MOBP: variants seen among roughly 807,000 people sequenced by gnomAD.
MOBP encodes the protein myelin-associated oligodendrocyte basic protein.
MOBP carries 5 observed loss-of-function variants against 15.0 expected under a neutral mutation model. That is an observed-to-expected ratio of 0.33 (90% CI 0.17 to 0.70). The LOEUF (loss-of-function observed/expected upper bound fraction) is 0.70. Ranked by LOEUF, MOBP falls within the 30% of genes least tolerant of loss-of-function variation. MOBP has a pLI of 0.67. For synonymous variants in MOBP, 88 were observed against 99.0 expected, an observed-to-expected ratio of 0.89 and a Z score of 0.66; for missense variants, 188 against 257.8, an observed-to-expected ratio of 0.73 and a Z score of 1.85.
At chr3:39,509,428 T>C (rs149734675) in intron 4 of MOBP, among the ~76,000 whole-genome samples, 1 of 152,198 alleles carries the variant, frequency 6.6e-6, no homozygotes, top group Non-Finnish European at 1.5e-5. Context: ...ATGGTATTCA[T>C]TGTAGTTTTA....
intron 2 of MOBP, among the ~76,000 whole-genome samples, chr3:39,488,689 G>C (rs544505): frequency 0.083 from 12,637 of 152,176 alleles, 866 homozygotes; most frequent in African/African-American, 0.18. Flanking sequence ...CCCCACCTCA[G>C]TAAATTGCTT....
chr3:39,474,374 C>T (rs545742234), intron 1 of MOBP, among the ~76,000 whole-genome samples: 1 of 152,138 alleles, frequency 6.6e-6, no homozygotes, highest in Non-Finnish European at 1.5e-5. Flanking sequence ...AACAAAGATA[C>T]GTTCTGAGAA....
At chr3:39,487,044 G>C (rs1477582560) in intron 2 of MOBP, among the ~76,000 whole-genome samples, 1 of 150,454 alleles carries the variant, frequency 6.6e-6, no homozygotes, top group Non-Finnish European at 1.5e-5. Flanking sequence ...AGGCTCAAGA[G>C]ATCCTTTCAT....
At chr3:39,476,658 T>C (rs1292129227) in intron 1 of MOBP, among the ~76,000 whole-genome samples, 1 of 152,220 alleles carries the variant, frequency 6.6e-6, no homozygotes, top group Non-Finnish European at 1.5e-5. Flanking sequence ...TGTGGTTATG[T>C]GATTCATTTC....
At chr3:39,517,948 AG>A (rs2043223247), downstream of MOBP, among the ~76,000 whole-genome samples, 1 of 152,260 alleles carries the variant, frequency 6.6e-6, no homozygotes, top group Non-Finnish European at 1.5e-5. Flanking sequence ...AACATAAAAT[AG>A]GTTTGAGGAG....
chr3:39,501,683 A>G (rs1272119509), intron 2 of MOBP, among the ~76,000 whole-genome samples: 3 of 152,124 alleles, frequency 2.0e-5, no homozygotes, highest in Non-Finnish European at 4.4e-5. Flanking sequence ...TTAATAATAA[A>G]TAATAATAAA....
chr3:39,505,775 C>T (rs896805605), downstream of MOBP, among the ~76,000 whole-genome samples: 5 of 152,174 alleles, frequency 3.3e-5, no homozygotes, highest in African/African-American at 7.2e-5. Flanking sequence ...CTTCAACACT[C>T]GTTTTATAAA....
chr3:39,493,109 A>T (rs779791480), intron 2 of MOBP, among the ~76,000 whole-genome samples: 12 of 152,292 alleles, frequency 7.9e-5, no homozygotes, highest in Middle Eastern at 3.4e-3. Flanking sequence ...TGACATGATT[A>T]TGCCACATCC....
At chr3:39,475,297 A>G (rs1293942636) in intron 1 of MOBP, among the ~76,000 whole-genome samples, 1 of 152,180 alleles carries the variant, frequency 6.6e-6, no homozygotes, top group African/African-American at 2.4e-5. Flanking sequence ...ATTACTGGTG[A>G]TGTTAACCTT....
At chr3:39,506,153 C>T (rs548154884), downstream of MOBP, among the ~76,000 whole-genome samples, 1 of 152,122 alleles carries the variant, frequency 6.6e-6, no homozygotes, top group Non-Finnish European at 1.5e-5. Context: ...TGTATCTTGT[C>T]TCTTTCTCAT....
At chr3:39,476,438 AT>A (rs1219442725) in intron 1 of MOBP, among the ~76,000 whole-genome samples, 1 of 152,110 alleles carries the variant, frequency 6.6e-6, no homozygotes, top group Non-Finnish European at 1.5e-5. Flanking sequence ...ACCTATGTTT[AT>A]TTCTGTATTT....
chr3:39,520,948 CT>C (rs561522506), downstream of MOBP, among the ~76,000 whole-genome samples: 56 of 147,548 alleles, frequency 3.8e-4, no homozygotes, highest in East Asian at 1.2e-3. Context: ...GCTCTATATT[CT>C]TTTTTTTTTT....
chr3:39,469,118 A>G lies in MOBP; in HGVS notation c.-89+1378A>G, dbSNP rs1157219006. The stretch of plus-strand genomic sequence containing the variant: ...TATACATATGTGTGTGTATATATAC[A>G]TATATACATATGTGTGTGTATATAC... On this transcript the variant is annotated intron_variant, in intron 1 of 3. Coordinates refer to ENST00000684792, the MANE Select transcript of MOBP (RefSeq NM_001393704.1). 6.3e-5 allele frequency among the ~76,000 whole-genome samples: 5 copies of G among 79,970 alleles called. 1 individual carries two copies. The highest frequency in any genetic ancestry group is 8.9e-5 in the Non-Finnish European group (4 of 44,760). The allele number at this position is 79,970 out of a possible 152,430, so 52.5% of individuals were successfully genotyped here. A position where few individuals can be genotyped will look rare whatever the true frequency, so the allele number is the denominator to read the frequency against.
chr3:39,485,671 C>A (rs367828454), intron 2 of MOBP, among the ~76,000 whole-genome samples: 3 of 152,180 alleles, frequency 2.0e-5, no homozygotes, highest in African/African-American at 4.8e-5. Flanking sequence ...TGGGGCTCAC[C>A]GGCCTGTGGG....
intron 4 of MOBP, among the ~76,000 whole-genome samples, chr3:39,508,336 C>T (rs2043073522): frequency 6.6e-6 from 1 of 152,124 alleles, no homozygotes; most frequent in African/African-American, 2.4e-5. Context: ...TGACTACTGC[C>T]ACAAGTAAGA....
intron 2 of MOBP, among the ~76,000 whole-genome samples, chr3:39,497,023 G>A (rs935755302): frequency 6.6e-6 from 1 of 152,016 alleles, no homozygotes; most frequent in Non-Finnish European, 1.5e-5. Flanking sequence ...GCCTGGTCTC[G>A]AACTCCTGAC....
At chr3:39,469,179 T>C (rs1390876946) in intron 1 of MOBP, among the ~76,000 whole-genome samples, 1 of 66,004 alleles carries the variant, frequency 1.5e-5, no homozygotes, top group African/African-American at 1.2e-4. Context: ...CATATATACA[T>C]GTGTGTGTGT....
intron 2 of MOBP, among the ~76,000 whole-genome samples, chr3:39,491,859 T>C (rs2042799831): frequency 6.6e-6 from 1 of 152,032 alleles, no homozygotes; most frequent in South Asian, 2.1e-4. Context: ...CTCAAAACCA[T>C]GGTGGGGGAT....
At chr3:39,491,210 A>G (rs1359212721) in intron 2 of MOBP, among the ~76,000 whole-genome samples, 1 of 152,166 alleles carries the variant, frequency 6.6e-6, no homozygotes, top group East Asian at 1.9e-4. Flanking sequence ...GTGAATGACA[A>G]ATTGATGATG....
Sources: gnomAD v4.1 joint callset for allele counts (sites outside exome capture counted in the v4.1 genomes callset) on GRCh38, gnomAD v4.1.1 for gene constraint, MANE v1.5 for transcripts, NCBI Gene and HGNC (gene_info 2026-07-23, HGNC 2026-07-21) for gene names.